Variants in SPC25 observed in about 807,000 individuals in gnomAD.
SPC25 encodes the protein kinetochore protein Spc25.
A neutral mutation model predicts 29.6 loss-of-function variants in SPC25; 22 were observed. That is an observed-to-expected ratio of 0.74 (90% CI 0.53 to 1.06). The LOEUF is 1.06. Ranked by LOEUF, SPC25 falls within the 50% of genes least tolerant of loss-of-function variation. The pLI, the probability that SPC25 is intolerant of heterozygous loss-of-function variation, is 0.00. For synonymous variants in SPC25, 91 were observed against 90.4 expected, an observed-to-expected ratio of 1.01 and a Z score of -0.04; for missense variants, 230 against 255.8, an observed-to-expected ratio of 0.90 and a Z score of 0.69.
downstream of SPC25, among the ~76,000 whole-genome samples, chr2:168,866,109 T>C (rs567624610): frequency 2.0e-5 from 3 of 152,410 alleles, no homozygotes; most frequent in South Asian, 6.2e-4. Context: ...CTTCACAAAA[T>C]TGGAAAAAAC....
chr2:168,866,860 A>C (rs2105816488), downstream of SPC25, among the ~76,000 whole-genome samples: 1 of 152,264 alleles, frequency 6.6e-6, no homozygotes, highest in African/African-American at 2.4e-5. Context: ...CAGCCAAAAA[A>C]CACATGAAAA....
chr2:168,864,475 G>A (rs1689725054), intron 4 of SPC25, among the ~76,000 whole-genome samples: 1 of 140,298 alleles, frequency 7.1e-6, no homozygotes, highest in Non-Finnish European at 1.5e-5. Context: ...TAGCAGAGAA[G>A]GGGTTTCACC....
intron 6 of SPC25, among the ~76,000 whole-genome samples, chr2:168,872,324 T>C (rs1690009992): frequency 6.6e-6 from 1 of 152,142 alleles, no homozygotes; most frequent in African/African-American, 2.4e-5. Flanking sequence ...ATGAAAGAAA[T>C]ATCTAGAATT....
At chr2:168,863,556 T>A (rs771647803) in intron 4 of SPC25, 64 of 985,232 alleles carry the variant, frequency 6.5e-5, no homozygotes, top group Non-Finnish European at 7.6e-5. Context: ...TTCTCTTTAT[T>A]TGAATCATTG....
At position 168,871,196 on chromosome 2, in the gene SPC25, G is replaced by T; in HGVS notation, c.*235C>A. ...CACAGGAAGGGGAACATCACACAAC[G>T]GGGACTGTTGTGGGTTGGGGGAGGG... On this transcript the variant is annotated 3_prime_UTR_variant, in exon 7 of 7. Transcript: ENST00000282074. 1 of 221,610 alleles carries T rather than the reference G, an allele frequency of 4.5e-6. No individual in the cohort carries two copies. The highest frequency in any genetic ancestry group is 8.7e-6 in the Non-Finnish European group (1 of 114,348). The allele number at this position is 221,610 out of a possible 1,614,324, so 13.7% of individuals were successfully genotyped here. A position where few individuals can be genotyped will look rare whatever the true frequency, so the allele number is the denominator to read the frequency against.
At chr2:168,881,441 G>A (rs1690176434) in intron 3 of SPC25, among the ~76,000 whole-genome samples, 2 of 152,132 alleles carry the variant, frequency 1.3e-5, no homozygotes, top group Admixed American at 1.3e-4. Flanking sequence ...AGATACAACC[G>A]CTGCTACTTG....
intron 3 of SPC25, among the ~76,000 whole-genome samples, chr2:168,882,328 C>T (rs6757958): frequency 0.034 from 5,212 of 152,282 alleles, 287 homozygotes; most frequent in African/African-American, 0.11. Flanking sequence ...TAATAAGGGC[C>T]AGGCATGGCG....
At chr2:168,889,198 AC>A (rs1487574206) in intron 3 of SPC25, 27 bp downstream of exon 3, 1 of 1,590,698 alleles carries the variant, frequency 6.3e-7, no homozygotes, top group Non-Finnish European at 8.6e-7. Context: ...TCTAAAAAAA[AC>A]CCCATGATTT....
chr2:168,883,798 G>C (rs546549532), intron 3 of SPC25, among the ~76,000 whole-genome samples: 2 of 148,616 alleles, frequency 1.3e-5, no homozygotes, highest in Non-Finnish European at 3.0e-5. Context: ...TTGAGATGGA[G>C]TCTCGCTCTG....
intron 3 of SPC25, among the ~76,000 whole-genome samples, chr2:168,881,543 G>A (rs1345841011): frequency 1.3e-5 from 2 of 152,226 alleles, no homozygotes; most frequent in African/African-American, 2.4e-5. Context: ...CTCTAGGGCA[G>A]AGGCTACTGA....
downstream of SPC25, among the ~76,000 whole-genome samples, chr2:168,866,704 G>C (rs148481409): frequency 0.092 from 13,937 of 151,756 alleles, 171 homozygotes; most frequent in African/African-American, 0.23. Flanking sequence ...TACAGAATGG[G>C]AGAAAATTTT....
At chr2:168,867,590 TCTCGAATAAAACAGA>T (rs1689889717), downstream of SPC25, among the ~76,000 whole-genome samples, 1 of 152,236 alleles carries the variant, frequency 6.6e-6, no homozygotes, top group African/African-American at 2.4e-5. Context: ...GCAATCCTAG[TCTCGAATAAAACAGA>T]CTTTAAAACA....
At chr2:168,879,097 G>C (rs982656030) in intron 3 of SPC25, among the ~76,000 whole-genome samples, 14 of 152,150 alleles carry the variant, frequency 9.2e-5, no homozygotes, top group African/African-American at 3.4e-4. Context: ...GCAGGGGGAG[G>C]GTCTTGCCTT....
chr2:168,890,413 C>T lies in SPC25; in HGVS notation c.-110G>A, dbSNP rs979654841. 5 of 985,422 alleles carry T rather than the reference C, an allele frequency of 5.1e-6. No homozygotes were observed. The African/African-American group carries it at 5.2e-5, about 10-fold the overall frequency. 61.0% of individuals were successfully genotyped at this position (985,422 alleles called of 1,614,324 possible). A position where few individuals can be genotyped will look rare whatever the true frequency, so the allele number is the denominator to read the frequency against. On this transcript the variant is annotated 5_prime_UTR_variant, in exon 1 of 7. Coordinates refer to ENST00000282074, the MANE Select transcript of SPC25 (RefSeq NM_020675.4). ...ACTCTAGGCTCAGCTCCCGCAGCCC[C>T]GCCAACTTTCCGATTTCAAACCTAG...
chr2:168,865,266 A>C (rs1486870960), intron 4 of SPC25: 1 of 270,760 alleles, frequency 3.7e-6, no homozygotes, highest in Non-Finnish European at 7.0e-6. Flanking sequence ...GACGGAGTCC[A>C]AGGTGGGTTC....
At chr2:168,864,204 G>C (rs549189165) in intron 4 of SPC25, among the ~76,000 whole-genome samples, 3 of 151,834 alleles carry the variant, frequency 2.0e-5, no homozygotes, top group Non-Finnish European at 4.4e-5. Flanking sequence ...TTGACCTCAA[G>C]TAATCTGCCT....
chr2:168,876,514 A>G (rs906254755), intron 4 of SPC25, among the ~76,000 whole-genome samples: 4 of 151,796 alleles, frequency 2.6e-5, no homozygotes, highest in Non-Finnish European at 4.4e-5. Context: ...TAGATAACCA[A>G]TTGCTTCATG....
chr2:168,871,265 T>C lies in SPC25; in HGVS notation c.*166A>G. 2.0e-6 allele frequency: 1 copy of C among 492,264 alleles called. No individual in the cohort carries two copies. Among genetic ancestry groups the C allele is most frequent in the East Asian group, 4.1e-5 (1 of 24,590 alleles). The allele number at this position is 492,264 out of a possible 1,614,324, so 30.5% of individuals were successfully genotyped here. ...AGATATACCTAATGAAATGACGAGT[T>C]AATGGGTGCAGCACACCAATATGGC... On this transcript the variant is annotated 3_prime_UTR_variant, in exon 7 of 7. Transcript: ENST00000282074.
chr2:168,877,189 C>T (rs778949661), intron 4 of SPC25, 49 bp downstream of exon 4: 22 of 1,593,178 alleles, frequency 1.4e-5, no homozygotes, highest in Non-Finnish European at 1.6e-5. Flanking sequence ...AAAGGTGAAC[C>T]GTCACCACTT....
Sources: gnomAD v4.1 joint callset for allele counts (sites outside exome capture counted in the v4.1 genomes callset) on GRCh38, gnomAD v4.1.1 for gene constraint, MANE v1.5 for transcripts, NCBI Gene and HGNC (gene_info 2026-07-23, HGNC 2026-07-21) for gene names.